Variants in STAP1 observed in about 807,000 individuals in gnomAD.
The protein encoded by STAP1 is signal transducing adaptor family member 1, also known as signal-transducing adaptor protein 1.
STAP1 carries 30 observed loss-of-function variants against 37.8 expected under a neutral mutation model. The ratio of observed to expected loss-of-function variants is 0.79; its 90% CI spans 0.59 to 1.08. STAP1 has a LOEUF of 1.08. STAP1 is among the 50% of genes least tolerant of loss of function. The pLI, the probability that STAP1 is intolerant of heterozygous loss-of-function variation, is 0.00. For synonymous variants in STAP1, 130 were observed against 116.0 expected (o/e 1.12, Z -0.78); for missense variants, 357 against 349.4 (o/e 1.02, Z -0.17).
chr4:67,581,331 C>T lies in STAP1; in HGVS notation c.390C>T (p.Leu130=). 1 of 1,613,492 alleles carries T rather than the reference C, an allele frequency of 6.2e-7. No individual in the cohort carries two copies. The highest frequency in any genetic ancestry group is 1.3e-5 in the African/African-American group (1 of 74,984). ...TELSVPQNVS[L]LPGQVIKLHE... The stretch of plus-strand genomic sequence containing the variant: ...TGTCAGTTCCCCAAAACGTGTCACT[C>T]CTACCTGGGCAAGTAATTAAACTGC... Residue 130 remains leucine (L), a synonymous_variant, in exon 5 of 9, where the codon CTC becomes CTT. Transcript: ENST00000265404.
intron 2 of STAP1, among the ~76,000 whole-genome samples, chr4:67,574,054 A>G (rs1046045070): frequency 6.6e-6 from 1 of 152,132 alleles, no homozygotes; most frequent in Non-Finnish European, 1.5e-5. Context: ...TCTTAATAGG[A>G]TTGCCATAAT....
chr4:67,577,834 A>G (rs1727760881), intron 4 of STAP1, among the ~76,000 whole-genome samples: 1 of 151,690 alleles, frequency 6.6e-6, no homozygotes, highest in African/African-American at 2.4e-5. Context: ...TTTTTAGTAG[A>G]GATGAGGTTT....
intron 7 of STAP1, 68 bp downstream of exon 7, chr4:67,591,021 A>C (rs1436960324): frequency 8.0e-6 from 10 of 1,254,446 alleles, no homozygotes; most frequent in African/African-American, 3.0e-5. Flanking sequence ...TAGTGCTGGC[A>C]AAAAGCAGCC....
intron 6 of STAP1, among the ~76,000 whole-genome samples, chr4:67,590,614 A>G (rs750862076): frequency 2.0e-4 from 30 of 152,086 alleles, no homozygotes; most frequent in Non-Finnish European, 7.4e-5. Context: ...TTAATTCTTG[A>G]TTCCTTTTTT....
In STAP1 at chr4:67,575,435, T is replaced by C; in HGVS notation, c.243T>C (p.Asn81=). ...IVDLTCLTEQ[N]STEKNCAKFT... ...ACCTCACATGCCTTACTGAGCAGAA[T>C]TCAACTGAAAAGAACTGTGCGAAAT... is the stretch of plus-strand genomic sequence containing the variant. The change falls in exon 3 of 9, where the codon AAT becomes AAC. Residue 81 remains asparagine, a synonymous_variant. Coordinates refer to ENST00000265404, the MANE Select transcript of STAP1 (RefSeq NM_012108.4). 1.2e-6 allele frequency: 2 copies of C among 1,605,630 alleles called. No homozygotes were observed. The highest frequency in any genetic ancestry group is 1.7e-6 in the Non-Finnish European group (2 of 1,177,582).
chr4:67,596,176 C>T (rs1197588301), intron 8 of STAP1, among the ~76,000 whole-genome samples: 3 of 152,106 alleles, frequency 2.0e-5, no homozygotes, highest in Non-Finnish European at 4.4e-5. Flanking sequence ...TGCTGTTCTC[C>T]TGATACTGAG....
At chr4:67,601,733 T>C (rs1268543836) in intron 8 of STAP1, among the ~76,000 whole-genome samples, 6 of 152,206 alleles carry the variant, frequency 3.9e-5, no homozygotes, top group Non-Finnish European at 8.8e-5. Flanking sequence ...GGAGCTCCTT[T>C]GTATTTTGTT....
intron 8 of STAP1, among the ~76,000 whole-genome samples, chr4:67,597,661 CT>C (rs1024962812): frequency 6.6e-6 from 1 of 152,210 alleles, no homozygotes; most frequent in African/African-American, 2.4e-5. Context: ...TCAGTGTGCC[CT>C]GGATGTGAGA....
chr4:67,575,979 T>G (rs1727711826), intron 3 of STAP1, among the ~76,000 whole-genome samples: 1 of 152,162 alleles, frequency 6.6e-6, no homozygotes, highest in Non-Finnish European at 1.5e-5. Context: ...AACCTATATT[T>G]TAAGCAAGCT....
intron 1 of STAP1, among the ~76,000 whole-genome samples, chr4:67,561,994 C>G (rs962776746): frequency 7.0e-6 from 1 of 141,942 alleles, no homozygotes; most frequent in African/African-American, 2.7e-5. Context: ...ATCACTTGAA[C>G]CTGGGAGTCA....
At chr4:67,588,737 A>T (rs1728055110) in intron 6 of STAP1, among the ~76,000 whole-genome samples, 1 of 152,066 alleles carries the variant, frequency 6.6e-6, no homozygotes. Flanking sequence ...AACAACAACA[A>T]TCGTTGTTCT....
intron 3 of STAP1, 139 bp from the exon 4 acceptor site, chr4:67,577,064 T>C: frequency 1.6e-6 from 1 of 611,162 alleles, no homozygotes; most frequent in Non-Finnish European, 2.7e-6. Context: ...AAATATTTCA[T>C]AAAAAATACA....
chr4:67,580,567 C>A (rs1221064596), intron 4 of STAP1, among the ~76,000 whole-genome samples: 2 of 152,144 alleles, frequency 1.3e-5, no homozygotes, highest in Non-Finnish European at 2.9e-5. Context: ...CACAAGGCTG[C>A]CTCCAAATAA....
At chr4:67,577,944 C>T (rs536137752) in intron 4 of STAP1, among the ~76,000 whole-genome samples, 3 of 152,066 alleles carry the variant, frequency 2.0e-5, no homozygotes, top group Admixed American at 6.6e-5. Context: ...CCACTGTGCC[C>T]GGCCTCTGAT....
intron 8 of STAP1, among the ~76,000 whole-genome samples, chr4:67,594,436 T>A (rs1262350455): frequency 6.6e-6 from 1 of 151,820 alleles, no homozygotes; most frequent in Non-Finnish European, 1.5e-5. Context: ...ACAGGAAACA[T>A]CTCTAGGATA....
intron 8 of STAP1, among the ~76,000 whole-genome samples, chr4:67,600,522 T>C (rs1017578738): frequency 2.6e-5 from 4 of 152,216 alleles, no homozygotes; most frequent in Admixed American, 2.6e-4. Context: ...TAGGTTCATT[T>C]GGTCTATGGT....
At chr4:67,593,541 T>C (rs1392651783) in intron 8 of STAP1, among the ~76,000 whole-genome samples, 185 bp downstream of exon 8, 2 of 152,216 alleles carry the variant, frequency 1.3e-5, no homozygotes, top group African/African-American at 4.8e-5. Flanking sequence ...ATATGTATTA[T>C]GAACAGAGTA....
rs1413905657 is a variant in STAP1, at chr4:67,607,191, C to T, written c.*834C>T. On this transcript the variant is annotated 3_prime_UTR_variant, in exon 9 of 9. Transcript: ENST00000265404. ...ATGAAAAGATATGGTCTATATTCTA[C>T]AGGGGAAAGACTATGTGAGACAGAG... 6 of 151,998 alleles carry T rather than the reference C, an allele frequency of 3.9e-5. No individual in the cohort carries two copies. The highest frequency in any genetic ancestry group is 3.3e-4 in the Admixed American group (5 of 15,260). 9.4% of individuals were successfully genotyped at this position (151,998 alleles called of 1,614,324 possible).
At chr4:67,576,409 C>A (rs1727721253) in intron 3 of STAP1, among the ~76,000 whole-genome samples, 1 of 152,048 alleles carries the variant, frequency 6.6e-6, no homozygotes, top group Non-Finnish European at 1.5e-5. Flanking sequence ...TAGAATAGTG[C>A]TTAGCACTTA....
Sources: allele counts gnomAD v4.1 joint callset (sites outside exome capture counted in the v4.1 genomes callset), GRCh38; gene constraint gnomAD v4.1.1; transcripts MANE v1.5; gene names NCBI Gene and HGNC (gene_info 2026-07-23, HGNC 2026-07-21).